Variants in IBTK observed in about 807,000 individuals in gnomAD.
IBTK encodes inhibitor of Bruton tyrosine kinase, also known as BTK-binding protein.
Under a neutral mutation model 154.9 loss-of-function variants are expected in IBTK, and 83 were observed. That is an observed-to-expected ratio of 0.54 (90% confidence interval 0.45 to 0.64). IBTK has a LOEUF of 0.64. Ranked by LOEUF, IBTK falls within the 30% of genes least tolerant of loss-of-function variation. IBTK has a pLI of 0.00. For synonymous variants in IBTK, 515 were observed against 536.1 expected (o/e 0.96, Z 0.54); for missense variants, 1,332 against 1,584.6 (o/e 0.84, Z 2.71).
At chr6:82,183,358 C>T (rs1768386501) in intron 25 of IBTK, among the ~76,000 whole-genome samples, 1 of 151,662 alleles carries the variant, frequency 6.6e-6, no homozygotes, top group East Asian at 1.9e-4. Context: ...TGCAGTGAGC[C>T]GAGACAGGGC....
At chr6:82,218,498 T>C (rs772437488) in intron 9 of IBTK, among the ~76,000 whole-genome samples, 1 of 152,184 alleles carries the variant, frequency 6.6e-6, no homozygotes, top group Non-Finnish European at 1.5e-5. Context: ...CTTGTAGTAC[T>C]ATCTCTTTAC....
intron 21 of IBTK, among the ~76,000 whole-genome samples, chr6:82,197,223 T>A (rs989556887): frequency 6.6e-6 from 1 of 152,190 alleles, no homozygotes; most frequent in Admixed American, 6.5e-5. Context: ...CTAAAAGCTG[T>A]ATAATTGATT....
At chr6:82,203,700 C>CCAGAGCCA (rs1769295562) in intron 17 of IBTK, among the ~76,000 whole-genome samples, 1 of 152,024 alleles carries the variant, frequency 6.6e-6, no homozygotes, top group Admixed American at 6.6e-5. Context: ...AACTGTGCAG[C>CCAGAGCCA]CAGAGCCATG....
intron 5 of IBTK, among the ~76,000 whole-genome samples, chr6:82,226,519 CCA>C (rs1236833565): frequency 6.6e-6 from 1 of 151,614 alleles, no homozygotes; most frequent in African/African-American, 2.4e-5. Context: ...AATTTTTAGA[CCA>C]CAGAAATCTT....
In IBTK at chr6:82,171,487, T is replaced by G. The variant is rs776060160; in HGVS notation, c.4000A>C (p.Ile1334Leu). ...GGTCCCTGCGGTGTCCTTTCAACAA[T>G]GACAAACTCTTCAGGGTTGCCAAAT... is the stretch of plus-strand genomic sequence containing the variant. ...EAFGNPEEFV[I>L]VERTPQGPLA... is the part of the protein sequence containing the mutation. The change falls in exon 29 of 29, where the codon ATT becomes CTT. Residue 1334 changes from isoleucine (I) to leucine (L), a missense_variant. Ile to Leu is a conservative substitution (Grantham distance 5). This residue lies in a region of IBTK where 1,134 missense variants were observed against 1,274.7 expected (regional missense o/e 0.89). Coordinates refer to ENST00000306270, the MANE Select transcript of IBTK (RefSeq NM_015525.4). 1 of 1,613,190 alleles carries G rather than the reference T, an allele frequency of 6.2e-7. No homozygotes were observed. Among genetic ancestry groups the G allele is most frequent in the East Asian group, 2.2e-5 (1 of 44,852 alleles).
At chr6:82,234,027 C>T in intron 3 of IBTK, 132 bp downstream of exon 3, 1 of 431,194 alleles carries the variant, frequency 2.3e-6, no homozygotes, top group South Asian at 3.8e-5. Context: ...CAGCGCCCAG[C>T]CCATTTGTGA....
intron 23 of IBTK, 77 bp downstream of exon 23, chr6:82,194,402 C>T (rs1562080092): frequency 2.1e-6 from 2 of 963,450 alleles, no homozygotes; most frequent in Non-Finnish European, 2.9e-6. Flanking sequence ...AAATGTTCAT[C>T]ATTAAAAAAT....
intron 1 of IBTK, among the ~76,000 whole-genome samples, chr6:82,244,972 T>C (rs997582216): frequency 6.6e-6 from 1 of 152,200 alleles, no homozygotes; most frequent in Admixed American, 6.5e-5. Context: ...AGGACCTAAA[T>C]ATTTTAGATA....
intron 18 of IBTK, among the ~76,000 whole-genome samples, chr6:82,201,909 A>G (rs1769224810): frequency 6.6e-6 from 1 of 152,058 alleles, no homozygotes; most frequent in Non-Finnish European, 1.5e-5. Context: ...TATTTTTATT[A>G]GAGATAGGGT....
chr6:82,219,332 T>C lies in IBTK; in HGVS notation c.1249-1195A>G, dbSNP rs922280920. On this transcript the variant is annotated intron_variant, in intron 9 of 28. Coordinates refer to ENST00000306270, the MANE Select transcript of IBTK (RefSeq NM_015525.4). ...TCATCTTCATTCTCCATCCCTACAA[T>C]ATATGCCTATAATGACCCAGTATGT... 3.3e-5 allele frequency among the ~76,000 whole-genome samples: 5 copies of C among 152,172 alleles called. 1 individual carries two copies. In the South Asian group the frequency reaches 8.3e-4, roughly 25 times the overall value.
intron 26 of IBTK, among the ~76,000 whole-genome samples, chr6:82,178,298 T>C (rs979606567): frequency 2.6e-5 from 4 of 152,230 alleles, no homozygotes; most frequent in Non-Finnish European, 4.4e-5. Flanking sequence ...CACACTCTAG[T>C]GATCAACTAT....
Position 82,191,958 on chromosome 6 carries a change from G to A in IBTK, c.3339-79C>T, listed in dbSNP as rs566798234. ...ACCCCCAACTTCACTGAAATGATAAGTGATATGTGAGATTAATAATCAGAG... is the reference window on the plus strand; with the variant it reads ...ACCCCCAACTTCACTGAAATGATAAATGATATGTGAGATTAATAATCAGAG... On this transcript the variant is annotated intron_variant, in intron 23 of 28. Coordinates refer to ENST00000306270, the MANE Select transcript of IBTK (RefSeq NM_015525.4). 3 of 700,084 alleles carry A rather than the reference G, an allele frequency of 4.3e-6. No homozygotes were observed. In the African/African-American group the frequency reaches 5.4e-5, roughly 13 times the overall value. The allele number at this position is 700,084 out of a possible 1,614,324, so 43.4% of individuals were successfully genotyped here. A position where few individuals can be genotyped will look rare whatever the true frequency, so the allele number is the denominator to read the frequency against.
At chr6:82,189,827 C>G (rs1470243353) in intron 25 of IBTK, among the ~76,000 whole-genome samples, 5 of 152,216 alleles carry the variant, frequency 3.3e-5, no homozygotes, top group Admixed American at 6.5e-5. Flanking sequence ...TTAATTCTCT[C>G]AAACTGCAAT....
chr6:82,180,183 T>G (rs961445267), intron 26 of IBTK, among the ~76,000 whole-genome samples: 1 of 152,204 alleles, frequency 6.6e-6, no homozygotes, highest in Non-Finnish European at 1.5e-5. Flanking sequence ...TTGTAATTTA[T>G]AAATATGCAA....
At chr6:82,236,973 T>A (rs190906475) in intron 2 of IBTK, among the ~76,000 whole-genome samples, 3 of 152,312 alleles carry the variant, frequency 2.0e-5, no homozygotes, top group Non-Finnish European at 2.9e-5. Context: ...AGGGCTCTGA[T>A]GCCAATAAGA....
intron 25 of IBTK, among the ~76,000 whole-genome samples, chr6:82,185,139 C>T (rs531647215): frequency 1.0e-4 from 15 of 144,160 alleles, no homozygotes; most frequent in African/African-American, 2.3e-4. Flanking sequence ...GCCAAGATTG[C>T]GCCACGGCAC....
intron 21 of IBTK, among the ~76,000 whole-genome samples, 162 bp downstream of exon 21, chr6:82,199,979 C>G (rs1769139568): frequency 6.6e-6 from 1 of 152,160 alleles, no homozygotes; most frequent in Admixed American, 6.5e-5. Flanking sequence ...TTGAGTACCT[C>G]TTTTGTGCTC....
chr6:82,213,956 A>AT (rs369633395), intron 12 of IBTK, among the ~76,000 whole-genome samples: 15 of 51,264 alleles, frequency 2.9e-4, no homozygotes, highest in Non-Finnish European at 4.0e-4. Context: ...AAAGGGTGGG[A>AT]TTTTTTTTTT....
chr6:82,191,067 G>A lies in IBTK; in HGVS notation c.3575+6C>T, dbSNP rs745922896. The A allele has an allele frequency of 3.4e-5, 52 of 1,519,114 alleles. No homozygotes were observed. The highest frequency in any genetic ancestry group is 4.2e-5 in the Non-Finnish European group (48 of 1,135,608). 94.1% of individuals were successfully genotyped at this position (1,519,114 alleles called of 1,614,324 possible). A position where few individuals can be genotyped will look rare whatever the true frequency, so the allele number is the denominator to read the frequency against. On this transcript the variant is annotated splice_donor_region_variant and intron_variant, in intron 25 of 28. Coordinates refer to ENST00000306270, the MANE Select transcript of IBTK (RefSeq NM_015525.4). The stretch of plus-strand genomic sequence containing the variant: ...TATATTAATTTTAATAAAAATAAGA[G>A]CATACCATGCATTCACTGGTTTGGG...
Sources: gnomAD v4.1 joint callset for allele counts (sites outside exome capture counted in the v4.1 genomes callset) on GRCh38, gnomAD v4.1.1 for gene constraint, gnomAD v4.1.1 regional missense constraint, MANE v1.5 for transcripts, NCBI Gene and HGNC (gene_info 2026-07-23, HGNC 2026-07-21) for gene names.